VAT1L: variants seen among roughly 807,000 people sequenced by gnomAD.
VAT1L encodes putative NADPH-dependent quinone oxidoreductase VAT1L.
Under a neutral mutation model 44.1 loss-of-function variants are expected in VAT1L, and 34 were observed. The observed-to-expected ratio is 0.77, with a 90% confidence interval of 0.59 to 1.03. VAT1L has a LOEUF of 1.03. Ranked by LOEUF, VAT1L falls within the 50% of genes least tolerant of loss-of-function variation. VAT1L has a pLI of 0.00. For synonymous variants in VAT1L, 253 were observed against 202.2 expected (o/e 1.25, Z -2.13); for missense variants, 615 against 538.8 (o/e 1.14, Z -1.40).
intron 7 of VAT1L, among the ~76,000 whole-genome samples, chr16:77,960,753 A>G (rs926717056): frequency 6.6e-6 from 1 of 152,106 alleles, no homozygotes; most frequent in African/African-American, 2.4e-5. Context: ...CCAAGGTTGC[A>G]GCCCAGGACC....
rs538577571 is a variant in VAT1L at position 77,901,153 on chromosome 16, C to CTTTTTT, written c.1077+16376_1077+16381dup. Among the ~76,000 whole-genome samples the CTTTTTT allele has an allele frequency of 7.2e-4, 65 of 90,046 alleles. 7 individuals are homozygous for CTTTTTT. The highest frequency in any genetic ancestry group is 3.1e-3 in the African/African-American group (64 of 20,814). 59.1% of individuals were successfully genotyped at this position (90,046 alleles called of 152,430 possible). On this transcript the variant is annotated intron_variant, in intron 7 of 8. Coordinates refer to ENST00000302536, the MANE Select transcript of VAT1L (RefSeq NM_020927.3). ...GGTAGGTGTGTGACCAGTAGTTTAC[C>CTTTTTT]TTTTTTTTTTTTTTTTTTTTTTTTT...
intron 7 of VAT1L, among the ~76,000 whole-genome samples, chr16:77,940,342 T>G (rs80316861): frequency 7.0e-6 from 1 of 142,310 alleles, no homozygotes. Context: ...ACCACTTGGT[T>G]TTTTTTTTTT....
At chr16:77,919,453 G>A (rs939996941) in intron 7 of VAT1L, among the ~76,000 whole-genome samples, 12 of 152,216 alleles carry the variant, frequency 7.9e-5, no homozygotes, top group Admixed American at 2.6e-4. Context: ...ATTAGAGGTA[G>A]AGATACATGG....
rs959676937 is a variant in VAT1L at position 77,978,664 on chromosome 16, T to C, written c.*969T>C. 1 of 152,204 alleles carries C rather than the reference T, an allele frequency of 6.6e-6. No individual in the cohort carries two copies. The highest frequency in any genetic ancestry group is 1.9e-4 in the East Asian group (1 of 5,198). 9.4% of individuals were successfully genotyped at this position (152,204 alleles called of 1,614,324 possible). A position where few individuals can be genotyped will look rare whatever the true frequency, so the allele number is the denominator to read the frequency against. ...GCATCTCCTTCCTTGCCAAAGCATGTCCCAACATGTAACAAACTCTAGGGA... is the reference window on the plus strand; with the variant it reads ...GCATCTCCTTCCTTGCCAAAGCATGCCCCAACATGTAACAAACTCTAGGGA... On this transcript the variant is annotated 3_prime_UTR_variant, in exon 9 of 9. Transcript: ENST00000302536.
At chr16:77,836,297 C>G (rs1409988217) in intron 3 of VAT1L, among the ~76,000 whole-genome samples, 1 of 152,050 alleles carries the variant, frequency 6.6e-6, no homozygotes, top group African/African-American at 2.4e-5. Context: ...TCTGCCTGTC[C>G]CACCGTGAGC....
chr16:77,953,620 G>A lies in VAT1L; in HGVS notation c.1078-18230G>A, dbSNP rs535785378. 1.3e-3 allele frequency among the ~76,000 whole-genome samples: 195 copies of A among 152,026 alleles called. 2 individuals are homozygous for A. The highest frequency in any genetic ancestry group is 3.9e-3 in the African/African-American group (161 of 41,462). On this transcript the variant is annotated intron_variant, in intron 7 of 8. Coordinates refer to ENST00000302536, the MANE Select transcript of VAT1L (RefSeq NM_020927.3). ...CAGTGGTGCAATCACAGCTCACTGC[G>A]GTCTCGAACTCCTGGGGGCTCAGCC...
rs568570274 is a variant in VAT1L at position 77,798,438 on chromosome 16, G to T, written c.233+9523G>T. 3.4e-4 allele frequency among the ~76,000 whole-genome samples: 52 copies of T among 152,290 alleles called. 1 individual carries two copies. In the South Asian group the frequency reaches 0.011, roughly 31 times the overall value. On this transcript the variant is annotated intron_variant, in intron 1 of 8. Transcript: ENST00000302536. ...AGTTTGCTCATCTGTAATATGGATG[G>T]GGTAAAAGTTTTTGTGTGGGGAAAG...
chr16:77,858,681 C>T (rs866945482), intron 3 of VAT1L, among the ~76,000 whole-genome samples: 1 of 152,130 alleles, frequency 6.6e-6, no homozygotes, highest in African/African-American at 2.4e-5. Context: ...GACATCTAAC[C>T]TCTGTAAACC....
intron 2 of VAT1L, among the ~76,000 whole-genome samples, chr16:77,819,960 T>C (rs1443130216): frequency 3.8e-4 from 58 of 152,206 alleles, no homozygotes; most frequent in Non-Finnish European, 1.5e-5. Context: ...TATTATGCCA[T>C]TTAGTTTTCA....
chr16:77,875,203 C>T (rs1187731741), intron 4 of VAT1L, among the ~76,000 whole-genome samples: 1 of 152,148 alleles, frequency 6.6e-6, no homozygotes, highest in Non-Finnish European at 1.5e-5. Flanking sequence ...TTGGACATGA[C>T]ATGAGGGCTT....
At position 77,798,470 on chromosome 16, in the gene VAT1L, A is replaced by G. The variant is rs529347202; in HGVS notation, c.233+9555A>G. On this transcript the variant is annotated intron_variant, in intron 1 of 8. Transcript: ENST00000302536. ...AGTTTTTGTGTGGGGAAAGAAGAAG[A>G]TAATGCAGCTAAAGTGCCTAGCAAG... 9.2e-5 allele frequency among the ~76,000 whole-genome samples: 14 copies of G among 152,330 alleles called. No individual in the cohort carries two copies. The South Asian group carries it at 2.1e-3, about 23-fold the overall frequency.
chr16:77,905,840 T>C (rs1401230623), intron 7 of VAT1L, among the ~76,000 whole-genome samples: 2 of 152,096 alleles, frequency 1.3e-5, no homozygotes, highest in Non-Finnish European at 2.9e-5. Context: ...CTAAAAAGAG[T>C]CAATAGCTAC....
intron 3 of VAT1L, among the ~76,000 whole-genome samples, chr16:77,860,032 G>A (rs2016900188): frequency 6.6e-6 from 1 of 152,090 alleles, no homozygotes; most frequent in East Asian, 1.9e-4. Flanking sequence ...GGGGAAATTC[G>A]GACACAGAGT....
intron 3 of VAT1L, among the ~76,000 whole-genome samples, chr16:77,840,068 C>G (rs747779327): frequency 6.6e-6 from 1 of 152,134 alleles, no homozygotes; most frequent in Admixed American, 6.6e-5. Context: ...CAAAACACCT[C>G]CCCTCCTAAG....
In VAT1L at chr16:77,835,795, C is replaced by T. The variant is rs535575105; in HGVS notation, c.579+10334C>T. ...GGCTGAGGCAAGAGAATCACTTGAACCCCGGAGGCGGAGGTCACAGTGAGC... is the reference window on the plus strand; with the variant it reads ...GGCTGAGGCAAGAGAATCACTTGAATCCCGGAGGCGGAGGTCACAGTGAGC... On this transcript the variant is annotated intron_variant, in intron 3 of 8. Transcript: ENST00000302536. Among the ~76,000 whole-genome samples, 5 of 152,184 alleles carry T rather than the reference C, an allele frequency of 3.3e-5. No homozygotes were observed. In the East Asian group the frequency reaches 5.8e-4, roughly 18 times the overall value.
At chr16:77,959,732 A>C (rs140578535) in intron 7 of VAT1L, among the ~76,000 whole-genome samples, 1 of 152,324 alleles carries the variant, frequency 6.6e-6, no homozygotes, top group African/African-American at 2.4e-5. Flanking sequence ...ATGAAGCCCC[A>C]AACAAAGACT....
chr16:77,827,804 T>G (rs2016540251), intron 3 of VAT1L, among the ~76,000 whole-genome samples: 1 of 152,160 alleles, frequency 6.6e-6, no homozygotes, highest in South Asian at 2.1e-4. Context: ...TCATAAGAAA[T>G]GTATGGTGAA....
intron 7 of VAT1L, among the ~76,000 whole-genome samples, chr16:77,905,265 A>G (rs1319436683): frequency 6.6e-6 from 1 of 152,210 alleles, no homozygotes; most frequent in Non-Finnish European, 1.5e-5. Flanking sequence ...GTTTGTTGGC[A>G]TGGCTTGATT....
chr16:77,924,514 G>A (rs1340610430), intron 7 of VAT1L, among the ~76,000 whole-genome samples: 3 of 152,002 alleles, frequency 2.0e-5, no homozygotes, highest in East Asian at 3.9e-4. Context: ...AGGCTGGAGT[G>A]CAGTGACACA....
Sources: allele counts gnomAD v4.1 joint callset (sites outside exome capture counted in the v4.1 genomes callset), GRCh38; gene constraint gnomAD v4.1.1; transcripts MANE v1.5; gene names NCBI Gene and HGNC (gene_info 2026-07-23, HGNC 2026-07-21).